PCMT1: variants seen among roughly 807,000 people sequenced by gnomAD.
PCMT1 encodes protein-L-isoaspartate (D-aspartate) O-methyltransferase.
In PCMT1, 9 loss-of-function variants were observed where a neutral mutation model predicts 29.2. The ratio of observed to expected loss-of-function variants is 0.31; its 90% CI spans 0.19 to 0.54. The LOEUF is 0.54. Ranked by LOEUF, PCMT1 falls within the 20% of genes least tolerant of loss-of-function variation. PCMT1 has a pLI of 0.95. For missense variants in PCMT1, 184 were observed against 282.2 expected (o/e 0.65, Z 2.49); for synonymous variants, 98 against 97.5 (o/e 1.00, Z -0.03).
At chr6:149,772,882 T>A (rs1162338029) in intron 2 of PCMT1, among the ~76,000 whole-genome samples, 2 of 151,770 alleles carry the variant, frequency 1.3e-5, no homozygotes, top group East Asian at 3.9e-4. Context: ...CCGGGCGTGG[T>A]GGTGGGGGCC....
At chr6:149,796,818 G>T (rs1412537647) in intron 6 of PCMT1, 6 of 179,242 alleles carry the variant, frequency 3.3e-5, no homozygotes, top group East Asian at 1.5e-4. Flanking sequence ...TTTGTTTTTT[G>T]TTTTTTGTTT....
chr6:149,750,770 TA>T (rs1786282247), intron 1 of PCMT1, among the ~76,000 whole-genome samples: 1 of 152,190 alleles, frequency 6.6e-6, no homozygotes, highest in South Asian at 2.1e-4. Context: ...ATGATAATTT[TA>T]GGATAGGATG....
chr6:149,787,757 A>G (rs906432146), intron 3 of PCMT1, among the ~76,000 whole-genome samples: 11 of 152,152 alleles, frequency 7.2e-5, no homozygotes, highest in African/African-American at 2.4e-4. Context: ...CAGTCTTACC[A>G]TTGGTAAAGC....
intron 3 of PCMT1, among the ~76,000 whole-genome samples, chr6:149,789,227 C>T (rs923901324): frequency 2.0e-5 from 3 of 152,058 alleles, no homozygotes; most frequent in African/African-American, 7.2e-5. Flanking sequence ...AGGTGGCTGC[C>T]ACCATGCCCA....
At chr6:149,780,342 G>GAA (rs970397601) in intron 3 of PCMT1, among the ~76,000 whole-genome samples, 3 of 118,142 alleles carry the variant, frequency 2.5e-5, no homozygotes, top group Admixed American at 8.7e-5. Context: ...CCCTGTCTCA[G>GAA]AAAAAAAAAA....
In PCMT1 at chr6:149,790,516, CTTTTTT is replaced by C. The variant is rs80356200; in HGVS notation, c.297+469_297+474del. ...AATAGAATAAGCCTGGTTTTCTTTT[CTTTTTT>C]TTTTTTTTTTCTTCTTAAAAACAGA... On this transcript the variant is annotated intron_variant, in intron 4 of 7. Transcript: ENST00000464889. 3.6e-5 allele frequency among the ~76,000 whole-genome samples: 5 copies of C among 137,242 alleles called. No homozygotes were observed. In the East Asian group the frequency reaches 6.2e-4, roughly 17 times the overall value. The allele number at this position is 137,242 out of a possible 152,430, so 90.0% of individuals were successfully genotyped here.
chr6:149,771,893 TAA>T (rs1164375706), intron 2 of PCMT1: 3 of 438,870 alleles, frequency 6.8e-6, no homozygotes, highest in Non-Finnish European at 1.4e-5. Context: ...TAGTGTTGAC[TAA>T]AGATTAGTTT....
chr6:149,778,694 C>G (rs1467274577), intron 3 of PCMT1, among the ~76,000 whole-genome samples: 1 of 151,862 alleles, frequency 6.6e-6, no homozygotes, highest in Non-Finnish European at 1.5e-5. Context: ...CATACCACCA[C>G]CCTTTACTTT....
chr6:149,793,540 C>G lies in PCMT1; in HGVS notation c.298-9C>G. 5 of 1,455,104 alleles carry G rather than the reference C, an allele frequency of 3.4e-6. No individual in the cohort carries two copies. The highest frequency in any genetic ancestry group is 2.6e-5 in the East Asian group (1 of 37,850). 90.1% of individuals were successfully genotyped at this position (1,455,104 alleles called of 1,614,324 possible). On this transcript the variant is annotated splice_polypyrimidine_tract_variant and intron_variant, in intron 4 of 7. Coordinates refer to ENST00000464889, the MANE Select transcript of PCMT1 (RefSeq NM_001360452.2). Reference sequence around the variant, plus strand: ...CCAATGAGCTACTGAATTGTTTTCTCTTTTCCAGGTTGGATGTACTGGAAA... The same window carrying G: ...CCAATGAGCTACTGAATTGTTTTCTGTTTTCCAGGTTGGATGTACTGGAAA...
intron 6 of PCMT1, chr6:149,797,286 T>C (rs748761399): frequency 6.6e-6 from 1 of 152,114 alleles, no homozygotes; most frequent in Non-Finnish European, 1.5e-5. Context: ...ACACAGGATA[T>C]CTATTGGAAG....
intron 3 of PCMT1, among the ~76,000 whole-genome samples, chr6:149,785,984 C>T (rs1215727804): frequency 1.5e-3 from 229 of 150,792 alleles, no homozygotes; most frequent in African/African-American, 5.2e-3. Flanking sequence ...GTAGGGGCGG[C>T]CGGGCAGAGG....
chr6:149,766,770 C>T (rs1205044501), intron 1 of PCMT1, among the ~76,000 whole-genome samples: 1 of 152,202 alleles, frequency 6.6e-6, no homozygotes, highest in Non-Finnish European at 1.5e-5. Flanking sequence ...TCTGGTGTCT[C>T]TTTGTAATTA....
At position 149,810,595 on chromosome 6, in the gene PCMT1, TTCTC is replaced by T; in HGVS notation, c.*38-17_*38-14del. 1 of 1,543,870 alleles carries T rather than the reference TTCTC, an allele frequency of 6.5e-7. No homozygotes were observed. The highest frequency in any genetic ancestry group is 1.4e-5 in the African/African-American group (1 of 73,028). ...TAGTGTGTAACTCCTACTAATGTAT[TTCTC>T]TCTTTTTTCCTCACAGGGATGAATT... On this transcript the variant is annotated splice_polypyrimidine_tract_variant and intron_variant, in intron 7 of 7. Coordinates refer to ENST00000464889, the MANE Select transcript of PCMT1 (RefSeq NM_001360452.2).
At chr6:149,810,068 T>G (rs1776121245) in intron 7 of PCMT1, 1 of 152,938 alleles carries the variant, frequency 6.5e-6, no homozygotes, top group South Asian at 2.1e-4. Flanking sequence ...TGCACCTGGC[T>G]GAGTGAATGG....
At chr6:149,790,506 GTTTTC>G (rs1391184265) in intron 4 of PCMT1, among the ~76,000 whole-genome samples, 1 of 132,734 alleles carries the variant, frequency 7.5e-6, no homozygotes, top group East Asian at 2.5e-4. Flanking sequence ...AATAAGCCTG[GTTTTC>G]TTTTCTTTTT....
At chr6:149,769,035 AC>A (rs1787203511) in intron 1 of PCMT1, among the ~76,000 whole-genome samples, 1 of 151,284 alleles carries the variant, frequency 6.6e-6, no homozygotes, top group Non-Finnish European at 1.5e-5. Flanking sequence ...TAATATGTTT[AC>A]TCCCTGGCAC....
intron 6 of PCMT1, among the ~76,000 whole-genome samples, chr6:149,800,370 G>T (rs1775788481): frequency 6.6e-6 from 1 of 152,178 alleles, no homozygotes; most frequent in Non-Finnish European, 1.5e-5. Flanking sequence ...TTGGGAGGCT[G>T]AGGCATGAGA....
intron 1 of PCMT1, among the ~76,000 whole-genome samples, chr6:149,752,278 A>G (rs1257597039): frequency 6.6e-6 from 1 of 151,650 alleles, no homozygotes; most frequent in African/African-American, 2.4e-5. Context: ...GCTCACTGCA[A>G]CCTCTGCCTC....
chr6:149,753,092 A>T (rs935080821), intron 1 of PCMT1, among the ~76,000 whole-genome samples: 3 of 152,180 alleles, frequency 2.0e-5, no homozygotes, highest in African/African-American at 7.2e-5. Flanking sequence ...TTGCTGAGGT[A>T]ATTCTAGCTA....
Sources: allele counts gnomAD v4.1 joint callset (sites outside exome capture counted in the v4.1 genomes callset), GRCh38; gene constraint gnomAD v4.1.1; transcripts MANE v1.5; gene names NCBI Gene and HGNC (gene_info 2026-07-23, HGNC 2026-07-21).